The following PXYLP1 variants were observed in gnomAD, a reference collection of about 807,000 sequenced individuals.
PXYLP1 encodes acid phosphatase-like 2.
In PXYLP1, 17 loss-of-function variants were observed where a neutral mutation model predicts 37.9. The observed-to-expected ratio is 0.45, with a 90% CI of 0.31 to 0.67. The LOEUF (loss-of-function observed/expected upper bound fraction) is 0.67, where lower values mean the gene tolerates loss of function less well. Ranked by LOEUF, PXYLP1 falls within the 30% of genes least tolerant of loss-of-function variation. The pLI, the probability that PXYLP1 is intolerant of heterozygous loss-of-function variation, is 0.07. For missense variants in PXYLP1, 511 were observed against 612.0 expected, an observed-to-expected ratio of 0.84 and a Z score of 1.74; for synonymous variants, 221 against 232.2, an observed-to-expected ratio of 0.95 and a Z score of 0.44.
intron 1 of PXYLP1, among the ~76,000 whole-genome samples, chr3:141,256,936 T>TG (rs1357419578): frequency 6.6e-6 from 1 of 152,068 alleles, no homozygotes; most frequent in Non-Finnish European, 1.5e-5. Flanking sequence ...AGTCACAGAT[T>TG]GGTAGAGATG....
At chr3:141,250,000 T>G (rs1027384028) in intron 1 of PXYLP1, among the ~76,000 whole-genome samples, 2 of 152,104 alleles carry the variant, frequency 1.3e-5, no homozygotes, top group Non-Finnish European at 2.9e-5. Flanking sequence ...TTAGAACATG[T>G]AGTTCACAAA....
In PXYLP1 at chr3:141,238,301, G is replaced by A. The variant is rs114363613; in HGVS notation, c.-54+6390G>A. 3.2e-3 allele frequency among the ~76,000 whole-genome samples: 492 copies of A among 152,308 alleles called. 4 individuals carry two copies. Among genetic ancestry groups the A allele is most frequent in the African/African-American group, 0.011 (473 of 41,572 alleles). ...GACCTTCCTCCTCAGACCTCGCTTT[G>A]CTTGCTCTGTGCGTCCTACAGAGAG... is the stretch of plus-strand genomic sequence containing the variant. On this transcript the variant is annotated intron_variant, in intron 1 of 5. Transcript: ENST00000286353.
chr3:141,274,456 A>G (rs1206531038), intron 2 of PXYLP1: 1 of 1,497,188 alleles, frequency 6.7e-7, no homozygotes, highest in Admixed American at 2.1e-5. Flanking sequence ...TCCCCTCCAC[A>G]CAGCCAGCTT....
chr3:141,291,199 G>C (rs1019015310), intron 5 of PXYLP1, among the ~76,000 whole-genome samples: 8 of 152,114 alleles, frequency 5.3e-5, no homozygotes. Context: ...ATACTGTTTG[G>C]ACATCTGAAT....
chr3:141,248,893 A>T (rs974954465), intron 1 of PXYLP1, among the ~76,000 whole-genome samples: 3 of 140,114 alleles, frequency 2.1e-5, no homozygotes, highest in Non-Finnish European at 4.5e-5. Flanking sequence ...AGAGAGAGAC[A>T]GAGTGAGTGT....
At chr3:141,245,676 A>G (rs1940918977) in intron 1 of PXYLP1, among the ~76,000 whole-genome samples, 1 of 152,234 alleles carries the variant, frequency 6.6e-6, no homozygotes, top group South Asian at 2.1e-4. Context: ...CCTCCTGCAG[A>G]GAATTGGCAC....
At chr3:141,239,643 C>CAG in intron 1 of PXYLP1, among the ~76,000 whole-genome samples, 1 of 152,308 alleles carries the variant, frequency 6.6e-6, no homozygotes, top group South Asian at 2.1e-4. Context: ...CTGAGGATCC[C>CAG]GAGTTCTTTT....
At chr3:141,291,996 C>T (rs893532819) in intron 5 of PXYLP1, among the ~76,000 whole-genome samples, 5 of 152,212 alleles carry the variant, frequency 3.3e-5, no homozygotes, top group Non-Finnish European at 7.4e-5. Context: ...GGGAAGAGGC[C>T]AGTCTGGAGG....
intron 1 of PXYLP1, among the ~76,000 whole-genome samples, chr3:141,255,884 G>C (rs1456663323): frequency 6.6e-6 from 1 of 152,152 alleles, no homozygotes; most frequent in African/African-American, 2.4e-5. Context: ...TCTTGGAGTG[G>C]GGCCCAACAG....
rs1433722824 is a variant in PXYLP1, at chr3:141,292,551, C to T, written c.789C>T (p.Leu263=). Reference sequence around the variant, plus strand: ...AAAAGGAGCAGCGTCGTCAGTACCTCCTACGTTTGAAAAACAGCCAGCTGG... The same window carrying T: ...AAAAGGAGCAGCGTCGTCAGTACCTTCTACGTTTGAAAAACAGCCAGCTGG... ...YLEKEQRRQY[L]LRLKNSQLEK... is the part of the protein sequence containing the mutation. The change falls in exon 6 of 6, where the codon CTC becomes CTT. Residue 263 remains leucine, a synonymous_variant. Transcript: ENST00000286353. This position sits in a 1 kb window ranked among gnomAD's most constrained non-coding sequence, Gnocchi z 4.3. 1.2e-6 allele frequency: 2 copies of T among 1,614,184 alleles called. No homozygotes were observed. The highest frequency in any genetic ancestry group is 3.3e-5 in the Admixed American group (2 of 60,018).
At chr3:141,278,254 C>T (rs2148813142) in intron 2 of PXYLP1, 88 bp from the exon 3 acceptor site, 5 of 1,474,054 alleles carry the variant, frequency 3.4e-6, no homozygotes, top group Middle Eastern at 1.8e-4. Flanking sequence ...AATAGCTCCT[C>T]AAAGTGAAAT....
At chr3:141,247,758 TTAAG>T (rs1940995022) in intron 1 of PXYLP1, among the ~76,000 whole-genome samples, 2 of 152,332 alleles carry the variant, frequency 1.3e-5, no homozygotes, top group South Asian at 4.1e-4. Context: ...GAAAGACGTA[TTAAG>T]TAAGAAACTC....
In PXYLP1 at chr3:141,287,280, C is replaced by G. The variant is rs371140515; in HGVS notation, c.366-34C>G. The G allele has an allele frequency of 2.8e-4, 447 of 1,608,586 alleles. No homozygotes were observed. The African/African-American group carries it at 4.8e-3, about 17-fold the overall frequency. ...AAACTGTTTGGATTCTTGTGGAGCACTCTGACCTCTAACTCTCTCTATCAT... is the reference window on the plus strand; with the variant it reads ...AAACTGTTTGGATTCTTGTGGAGCAGTCTGACCTCTAACTCTCTCTATCAT... On this transcript the variant is annotated intron_variant, in intron 4 of 5. Transcript: ENST00000286353.
rs1370529973 is a variant in PXYLP1, at chr3:141,268,200, AGAGAGAGTGTGTGTGT to A, written c.79+7948_79+7963del. On this transcript the variant is annotated intron_variant, in intron 2 of 5. Coordinates refer to ENST00000286353, the MANE Select transcript of PXYLP1 (RefSeq NM_001037172.3). ...GAGAGAGAGAGAGAGAGAGAGAGAG[AGAGAGAGTGTGTGTGT>A]GTGTGTGTGTGTGTGTGTGTGTGTG... Among the ~76,000 whole-genome samples, 25 of 32,814 alleles carry A rather than the reference AGAGAGAGTGTGTGTGT, an allele frequency of 7.6e-4. No homozygotes were observed. In the East Asian group the frequency reaches 0.015, roughly 20 times the overall value. The allele number at this position is 32,814 out of a possible 152,430, so 21.5% of individuals were successfully genotyped here. A position where few individuals can be genotyped will look rare whatever the true frequency, so the allele number is the denominator to read the frequency against.
intron 1 of PXYLP1, among the ~76,000 whole-genome samples, chr3:141,258,198 T>C (rs548165975): frequency 6.6e-6 from 1 of 152,194 alleles, no homozygotes; most frequent in South Asian, 2.1e-4. Flanking sequence ...CGGGGGTGGA[T>C]GATTCCCCAG....
intron 4 of PXYLP1, among the ~76,000 whole-genome samples, chr3:141,285,380 A>C (rs2148830634): frequency 6.6e-6 from 1 of 151,782 alleles, no homozygotes; most frequent in Non-Finnish European, 1.5e-5. Flanking sequence ...GGCCCCAAGC[A>C]GTCCTCCCAC....
intron 2 of PXYLP1, chr3:141,274,264 C>T (rs1486398340): frequency 3.9e-5 from 51 of 1,292,540 alleles, no homozygotes; most frequent in African/African-American, 7.5e-5. Context: ...GCCTGCAGCC[C>T]GGGGTCTGCT....
intron 2 of PXYLP1, among the ~76,000 whole-genome samples, chr3:141,260,871 A>C (rs970291519): frequency 6.6e-6 from 1 of 152,016 alleles, no homozygotes; most frequent in Non-Finnish European, 1.5e-5. Flanking sequence ...TGGCCCCAGG[A>C]CCTCCTTAGT....
intron 1 of PXYLP1, among the ~76,000 whole-genome samples, chr3:141,237,931 C>T (rs927515974): frequency 3.3e-5 from 5 of 152,212 alleles, no homozygotes; most frequent in African/African-American, 1.2e-4. Flanking sequence ...TTAACTGTCA[C>T]TCTTGGCCAC....
Sources: allele counts gnomAD v4.1 joint callset (sites outside exome capture counted in the v4.1 genomes callset), GRCh38; gene constraint gnomAD v4.1.1; non-coding constraint Gnocchi (gnomAD v3.1); transcripts MANE v1.5; gene names NCBI Gene and HGNC (gene_info 2026-07-23, HGNC 2026-07-21).